Variants in CASR observed in about 807,000 individuals in gnomAD.
CASR encodes the protein extracellular calcium-sensing receptor.
CASR carries 23 observed loss-of-function variants against 69.1 expected under a neutral mutation model. The ratio of observed to expected loss-of-function variants is 0.33; its 90% CI spans 0.24 to 0.47. CASR has a LOEUF of 0.47. Ranked by LOEUF, CASR falls within the 20% of genes least tolerant of loss-of-function variation. The pLI is 1.00. For synonymous variants in CASR, 541 were observed against 544.7 expected, an observed-to-expected ratio of 0.99 and a Z score of 0.10; for missense variants, 924 against 1,356.1, an observed-to-expected ratio of 0.68 and a Z score of 5.00.
intron 1 of CASR, among the ~76,000 whole-genome samples, chr3:122,198,322 G>A (rs1353200821): frequency 6.6e-6 from 1 of 152,146 alleles, no homozygotes. Context: ...AAAAACTTAA[G>A]AAATATCTTA....
intron 1 of CASR, among the ~76,000 whole-genome samples, chr3:122,237,793 A>T (rs537758250): frequency 6.6e-6 from 1 of 152,356 alleles, no homozygotes; most frequent in Admixed American, 6.5e-5. Context: ...CCAAGGGTGG[A>T]CAAGGACATG....
At chr3:122,252,559 A>G (rs1406277626) in intron 1 of CASR, among the ~76,000 whole-genome samples, 2 of 151,788 alleles carry the variant, frequency 1.3e-5, no homozygotes, top group South Asian at 2.1e-4. Flanking sequence ...AAAGAAAAAG[A>G]AAAAGAAATA....
intron 2 of CASR, among the ~76,000 whole-genome samples, chr3:122,256,480 C>T (rs4247194): frequency 9.6e-6 from 1 of 104,524 alleles, no homozygotes; most frequent in South Asian, 4.4e-4. Context: ...ATCTTTTATT[C>T]TTCTTTTTAT....
In CASR at chr3:122,287,381, C is replaced by A. The variant is rs935307322; in HGVS notation, c.*2190C>A. 2.0e-5 allele frequency: 3 copies of A among 152,216 alleles called. No homozygotes were observed. Among genetic ancestry groups the A allele is most frequent in the African/African-American group, 7.2e-5 (3 of 41,446 alleles). 9.4% of individuals were successfully genotyped at this position (152,216 alleles called of 1,614,324 possible). A position where few individuals can be genotyped will look rare whatever the true frequency, so the allele number is the denominator to read the frequency against. On this transcript the variant is annotated 3_prime_UTR_variant, in exon 7 of 7. Coordinates refer to ENST00000639785, the MANE Select transcript of CASR (RefSeq NM_000388.4). ...ACTGTCCCAATTTATACGTAGCAGG[C>A]ACAACTCAGCACAAAATCAGGGGTG...
intron 1 of CASR, among the ~76,000 whole-genome samples, chr3:122,227,526 G>A (rs111924410): frequency 1.1e-3 from 164 of 152,272 alleles, no homozygotes; most frequent in African/African-American, 3.4e-3. Context: ...CGCAAGCACC[G>A]TGTGCAGCCC....
intron 1 of CASR, among the ~76,000 whole-genome samples, chr3:122,231,217 G>T (rs2074275003): frequency 1.3e-5 from 2 of 152,130 alleles, no homozygotes; most frequent in African/African-American, 4.8e-5. Flanking sequence ...CACCTGTTGG[G>T]TGGCTTACCT....
rs1027208202 is a variant in CASR at position 122,284,666 on chromosome 3, C to A, written c.2712C>A (p.Gly904=). Residue 904 remains glycine (G), a synonymous_variant, in exon 7 of 7, where the codon GGC becomes GGA. Coordinates refer to ENST00000639785, the MANE Select transcript of CASR (RefSeq NM_000388.4). ...VSRKRSSSLG[G]STGSTPSSSI... ...GCAAGCGGTCCAGCAGCCTTGGAGG[C>A]TCCACGGGATCCACCCCCTCCTCCT... 2 of 1,613,520 alleles carry A rather than the reference C, an allele frequency of 1.2e-6. No individual in the cohort carries two copies. Among genetic ancestry groups the A allele is most frequent in the Non-Finnish European group, 1.7e-6 (2 of 1,179,644 alleles).
chr3:122,218,128 A>G (rs959034160), intron 1 of CASR, among the ~76,000 whole-genome samples: 1 of 151,968 alleles, frequency 6.6e-6, no homozygotes, highest in African/African-American at 2.4e-5. Flanking sequence ...AATGGATTGG[A>G]GGGGGGCCCA....
At position 122,290,625 on chromosome 3, in the gene CASR, G is replaced by T. The variant is rs527800656; in HGVS notation, c.*5434G>T. 1 of 152,064 alleles carries T rather than the reference G, an allele frequency of 6.6e-6. No individual in the cohort carries two copies. The highest frequency in any genetic ancestry group is 2.4e-5 in the African/African-American group (1 of 41,474). The allele number at this position is 152,064 out of a possible 1,614,324, so 9.4% of individuals were successfully genotyped here. On this transcript the variant is annotated 3_prime_UTR_variant, in exon 7 of 7. Transcript: ENST00000639785. ...AATTATAACAGGAAAATAAAGAAAA[G>T]AATTTAAAATAAACATGCAACCAAA... is the stretch of plus-strand genomic sequence containing the variant.
intron 1 of CASR, among the ~76,000 whole-genome samples, chr3:122,242,588 T>C (rs1340849768): frequency 6.6e-6 from 1 of 152,164 alleles, no homozygotes. Flanking sequence ...ATTGTTAAAA[T>C]GTTCATACTG....
intron 1 of CASR, among the ~76,000 whole-genome samples, chr3:122,252,470 AAAGAAG>A (rs2074507676): frequency 8.5e-6 from 1 of 117,736 alleles, no homozygotes; most frequent in Non-Finnish European, 1.8e-5. Flanking sequence ...AAAGAAAAGA[AAAGAAG>A]GGAGGGAGGG....
At chr3:122,255,652 A>G (rs1380111010) in intron 2 of CASR, among the ~76,000 whole-genome samples, 2 of 152,210 alleles carry the variant, frequency 1.3e-5, no homozygotes, top group East Asian at 3.8e-4. Flanking sequence ...TATGTTAAAG[A>G]TAATAAAATT....
chr3:122,264,071 A>G (rs572133272), intron 4 of CASR, among the ~76,000 whole-genome samples: 1 of 151,316 alleles, frequency 6.6e-6, no homozygotes, highest in East Asian at 2.0e-4. Flanking sequence ...ATAAGGAAAT[A>G]AAATACAGAT....
chr3:122,196,416 C>T (rs2073891423), intron 1 of CASR, among the ~76,000 whole-genome samples: 1 of 151,994 alleles, frequency 6.6e-6, no homozygotes, highest in Non-Finnish European at 1.5e-5. Context: ...AAGTAAGGTG[C>T]TGGAATTAAG....
Position 122,290,494 on chromosome 3 carries a change from T to G in CASR, c.*5303T>G, listed in dbSNP as rs1185105711. 2 of 152,240 alleles carry G rather than the reference T, an allele frequency of 1.3e-5. No homozygotes were observed. Among genetic ancestry groups the G allele is most frequent in the Non-Finnish European group, 2.9e-5 (2 of 68,044 alleles). 9.4% of individuals were successfully genotyped at this position (152,240 alleles called of 1,614,324 possible). On this transcript the variant is annotated 3_prime_UTR_variant, in exon 7 of 7. Transcript: ENST00000639785. ...ATGAGAAACTTATAAATTATAAATA[T>G]ACACTCATTATAAATGAAGATTGCT...
chr3:122,261,482 TTCACTCAC>T, intron 3 of CASR, 38 bp from the exon 4 acceptor site: 1 of 1,589,944 alleles, frequency 6.3e-7, no homozygotes, highest in Non-Finnish European at 8.6e-7. Flanking sequence ...TCAGCACCTC[TTCACTCAC>T]TCACTCACTC....
intron 1 of CASR, among the ~76,000 whole-genome samples, chr3:122,248,536 C>CA (rs2074450892): frequency 6.6e-6 from 1 of 151,782 alleles, no homozygotes; most frequent in East Asian, 1.9e-4. Context: ...GCAGTGTACT[C>CA]ACGTTATGGA....
intron 1 of CASR, among the ~76,000 whole-genome samples, chr3:122,229,001 A>G (rs2074255190): frequency 6.6e-6 from 1 of 152,136 alleles, no homozygotes; most frequent in Non-Finnish European, 1.5e-5. Context: ...TTACCATCTT[A>G]TTATAAATGA....
intron 1 of CASR, among the ~76,000 whole-genome samples, chr3:122,197,552 T>G (rs1309673249): frequency 6.6e-6 from 1 of 152,218 alleles, no homozygotes; most frequent in Non-Finnish European, 1.5e-5. Flanking sequence ...GACACAACAT[T>G]CTGTCTCCTC....
Sources: gnomAD v4.1 joint callset for allele counts (sites outside exome capture counted in the v4.1 genomes callset) on GRCh38, gnomAD v4.1.1 for gene constraint, MANE v1.5 for transcripts, NCBI Gene and HGNC (gene_info 2026-07-23, HGNC 2026-07-21) for gene names.